SLC26A5: variants seen among roughly 807,000 people sequenced by gnomAD.
SLC26A5 encodes prestin.
In SLC26A5, 51 loss-of-function variants were observed where a neutral mutation model predicts 81.0. The observed-to-expected ratio is 0.63, with a 90% confidence interval of 0.50 to 0.80. The LOEUF (loss-of-function observed/expected upper bound fraction) is 0.80. SLC26A5 is among the 30% of genes least tolerant of loss of function. SLC26A5 has a pLI of 0.00. For synonymous variants in SLC26A5, 325 were observed against 332.8 expected (o/e 0.98, Z 0.25); for missense variants, 771 against 905.8 (o/e 0.85, Z 1.91).
chr7:103,368,485 T>G (rs1328994672), intron 19 of SLC26A5: 1 of 154,928 alleles, frequency 6.5e-6, no homozygotes, highest in African/African-American at 2.4e-5. Context: ...CCATTACCTA[T>G]GCTCCTATTA....
chr7:103,408,885 G>T (rs930057578), intron 7 of SLC26A5, among the ~76,000 whole-genome samples: 1 of 152,170 alleles, frequency 6.6e-6, no homozygotes, highest in African/African-American at 2.4e-5. Context: ...CCCACAACAT[G>T]CACCCTTTCC....
At chr7:103,428,551 G>A (rs12164055) in intron 2 of SLC26A5, among the ~76,000 whole-genome samples, 43,601 of 146,214 alleles carry the variant, frequency 0.3, 7,531 homozygotes, top group East Asian at 0.59. Context: ...GGTCTACCCT[G>A]CCAGTACTTT....
chr7:103,407,969 A>C lies in SLC26A5; in HGVS notation c.770T>G (p.Leu257Arg). 1.2e-6 allele frequency: 2 copies of C among 1,614,190 alleles called. No homozygotes were observed. Among genetic ancestry groups the C allele is most frequent in the Non-Finnish European group, 1.7e-6 (2 of 1,180,020 alleles). Residue 257 changes from leucine to arginine, a missense_variant, in exon 8 of 20, where the codon CTC becomes CGC. Leu to Arg is a moderately radical substitution (Grantham distance 102). Coordinates refer to ENST00000306312, the MANE Select transcript of SLC26A5 (RefSeq NM_198999.3). ...CCCGACGCCTAGGGAACACACGTTG[A>C]GGTTTTTAACATTCTGCAACACAGC... is the stretch of plus-strand genomic sequence containing the variant. ...TVAVLQNVKN[L>R]NVCSLGVGLM...
chr7:103,412,281 G>A (rs1824545654), intron 5 of SLC26A5, among the ~76,000 whole-genome samples: 1 of 152,140 alleles, frequency 6.6e-6, no homozygotes, highest in Non-Finnish European at 1.5e-5. Flanking sequence ...AAATCCATAT[G>A]CCCCTGATAA....
intron 14 of SLC26A5, among the ~76,000 whole-genome samples, chr7:103,383,765 C>A (rs1398731749): frequency 6.6e-6 from 1 of 152,108 alleles, no homozygotes; most frequent in Non-Finnish European, 1.5e-5. Flanking sequence ...GCCTTGAACT[C>A]CTAGGCTCTA....
chr7:103,443,869 G>C (rs555634859), intron 1 of SLC26A5, among the ~76,000 whole-genome samples: 55 of 152,288 alleles, frequency 3.6e-4, no homozygotes, highest in African/African-American at 1.3e-3. Context: ...CATAACCTGG[G>C]CACCAGGAAT....
intron 2 of SLC26A5, among the ~76,000 whole-genome samples, chr7:103,437,057 A>G (rs920669138): frequency 3.9e-5 from 6 of 152,228 alleles, no homozygotes; most frequent in Non-Finnish European, 7.3e-5. Flanking sequence ...CTTAATATCT[A>G]AAATATATAA....
chr7:103,354,368 T>C (rs1819909068), intron 19 of SLC26A5, among the ~76,000 whole-genome samples: 1 of 146,708 alleles, frequency 6.8e-6, no homozygotes, highest in African/African-American at 2.7e-5. Flanking sequence ...ACACACGATT[T>C]TTTTTTTTTT....
chr7:103,408,137 C>T lies in SLC26A5; in HGVS notation c.736-134G>A. ...TAGTGGAAAGTTCCAAGGCTGAAATCTCTCTTTGTAGCTTCTACCAATTAG... is the reference window on the plus strand; with the variant it reads ...TAGTGGAAAGTTCCAAGGCTGAAATTTCTCTTTGTAGCTTCTACCAATTAG... On this transcript the variant is annotated intron_variant, in intron 7 of 19. Coordinates refer to ENST00000306312, the MANE Select transcript of SLC26A5 (RefSeq NM_198999.3). The T allele has an allele frequency of 2.5e-6, 3 of 1,202,534 alleles. No individual in the cohort carries two copies. The South Asian group carries it at 3.9e-5, about 16-fold the overall frequency. 74.5% of individuals were successfully genotyped at this position (1,202,534 alleles called of 1,614,324 possible). A position where few individuals can be genotyped will look rare whatever the true frequency, so the allele number is the denominator to read the frequency against.
At chr7:103,355,682 TTCTC>T in intron 19 of SLC26A5, 3 of 1,602,686 alleles carry the variant, frequency 1.9e-6, no homozygotes, top group Non-Finnish European at 2.6e-6. Flanking sequence ...TTTGTCATCT[TTCTC>T]TATGTAGGTA....
rs529114092 is a variant in SLC26A5 at position 103,392,241 on chromosome 7, C to T, written c.1120-506G>A. Among the ~76,000 whole-genome samples the T allele has an allele frequency of 7.9e-5, 12 of 152,270 alleles. 1 individual carries two copies. The highest frequency in any genetic ancestry group is 2.9e-4 in the African/African-American group (12 of 41,550). On this transcript the variant is annotated intron_variant, in intron 10 of 19. Coordinates refer to ENST00000306312, the MANE Select transcript of SLC26A5 (RefSeq NM_198999.3). ...GAGCATCTAGTTTCTCCTTAGAATA[C>T]ATAAGGATTGAAATAGACATTGTTA...
chr7:103,420,636 G>C lies in SLC26A5; in HGVS notation c.292+102C>G. On this transcript the variant is annotated intron_variant, in intron 4 of 19. Transcript: ENST00000306312. ...TTAGATAGGTAAAGGTTACTAGAAA[G>C]ATATGATAAAAATTATGAATTTGCA... 4.2e-6 allele frequency: 6 copies of C among 1,442,082 alleles called. No individual in the cohort carries two copies. In the South Asian group the frequency reaches 7.0e-5, roughly 17 times the overall value. 89.3% of individuals were successfully genotyped at this position (1,442,082 alleles called of 1,614,324 possible).
intron 2 of SLC26A5, among the ~76,000 whole-genome samples, chr7:103,424,160 G>T (rs12532364): frequency 0.13 from 19,373 of 152,024 alleles, 1,252 homozygotes; most frequent in East Asian, 0.23. Context: ...AGATGTTGTT[G>T]CTTTCCCTTC....
intron 2 of SLC26A5, among the ~76,000 whole-genome samples, chr7:103,439,683 G>A (rs1014690641): frequency 7.2e-5 from 11 of 152,112 alleles, no homozygotes; most frequent in Non-Finnish European, 7.4e-5. Flanking sequence ...ACAGGCATGC[G>A]CAACCATGCC....
chr7:103,386,804 C>A (rs1822232129), intron 14 of SLC26A5, among the ~76,000 whole-genome samples: 1 of 151,704 alleles, frequency 6.6e-6, no homozygotes, highest in Admixed American at 6.6e-5. Context: ...ACTCTGTCGC[C>A]CAGGCTGGAG....
At chr7:103,419,919 C>CT (rs1270671569) in intron 4 of SLC26A5, among the ~76,000 whole-genome samples, 1 of 151,910 alleles carries the variant, frequency 6.6e-6, no homozygotes, top group Non-Finnish European at 1.5e-5. Flanking sequence ...TTTATATGTG[C>CT]TTTTTTCTGC....
Position 103,420,617 on chromosome 7 carries a change from A to G in SLC26A5, c.292+121T>C, listed in dbSNP as rs1258320193. 4 of 1,312,754 alleles carry G rather than the reference A, an allele frequency of 3.0e-6. No individual in the cohort carries two copies. In the Admixed American group the frequency reaches 7.4e-5, roughly 24 times the overall value. The allele number at this position is 1,312,754 out of a possible 1,614,324, so 81.3% of individuals were successfully genotyped here. A position where few individuals can be genotyped will look rare whatever the true frequency, so the allele number is the denominator to read the frequency against. On this transcript the variant is annotated intron_variant, in intron 4 of 19. Coordinates refer to ENST00000306312, the MANE Select transcript of SLC26A5 (RefSeq NM_198999.3). ...ATGTTTCTGAAGAATACCTTTAGAT[A>G]GGTAAAGGTTACTAGAAAGATATGA...
chr7:103,438,681 A>G (rs1826644795), intron 2 of SLC26A5, among the ~76,000 whole-genome samples: 1 of 152,184 alleles, frequency 6.6e-6, no homozygotes, highest in Non-Finnish European at 1.5e-5. Flanking sequence ...CACATAGTGA[A>G]CTATACAGAT....
chr7:103,354,229 T>G (rs532150196), intron 19 of SLC26A5, among the ~76,000 whole-genome samples: 1 of 152,332 alleles, frequency 6.6e-6, no homozygotes, highest in Non-Finnish European at 1.5e-5. Flanking sequence ...TATTCGTGAT[T>G]AAAATGTGAT....
Sources: allele counts gnomAD v4.1 joint callset (sites outside exome capture counted in the v4.1 genomes callset), GRCh38; gene constraint gnomAD v4.1.1; transcripts MANE v1.5; gene names NCBI Gene and HGNC (gene_info 2026-07-23, HGNC 2026-07-21).